Variants in RUVBL1 observed in about 807,000 individuals in gnomAD.
RUVBL1 encodes RuvB like AAA ATPase 1.
Under a neutral mutation model 52.4 loss-of-function variants are expected in RUVBL1, and 4 were observed. The ratio of observed to expected loss-of-function variants is 0.08; its 90% CI spans 0.04 to 0.17. RUVBL1 has a LOEUF of 0.17. Ranked by LOEUF, RUVBL1 falls within the 10% of genes least tolerant of loss-of-function variation. The pLI is 1.00. For synonymous variants in RUVBL1, 217 were observed against 214.4 expected, an observed-to-expected ratio of 1.01 and a Z score of -0.10; for missense variants, 298 against 572.8, an observed-to-expected ratio of 0.52 and a Z score of 4.90.
chr3:128,072,713 T>A (rs1233710306), intron 9 of RUVBL1, among the ~76,000 whole-genome samples: 1 of 152,130 alleles, frequency 6.6e-6, no homozygotes, highest in African/African-American at 2.4e-5. Flanking sequence ...CCAGTATAAA[T>A]ATGTTAGAAA....
At chr3:128,068,368 A>C (rs1576426757) in intron 9 of RUVBL1, among the ~76,000 whole-genome samples, 1 of 152,106 alleles carries the variant, frequency 6.6e-6, no homozygotes, top group Non-Finnish European at 1.5e-5. Context: ...TGGCAGCGGG[A>C]CCCTCACCCT....
chr3:128,074,565 G>A (rs9819833), intron 9 of RUVBL1, among the ~76,000 whole-genome samples: 35,109 of 151,942 alleles, frequency 0.23, 4,121 homozygotes, highest in South Asian at 0.27. Flanking sequence ...ATAAGCAGCC[G>A]GGCACAGTGG....
chr3:128,114,731 C>T (rs1205013692), intron 2 of RUVBL1, among the ~76,000 whole-genome samples: 1 of 152,122 alleles, frequency 6.6e-6, no homozygotes, highest in Admixed American at 6.5e-5. Context: ...TGGTATTCTT[C>T]TAAGAGCAAA....
At chr3:128,086,454 G>A (rs570228188) in intron 9 of RUVBL1, among the ~76,000 whole-genome samples, 5 of 152,220 alleles carry the variant, frequency 3.3e-5, no homozygotes, top group East Asian at 3.8e-4. Flanking sequence ...CAGGCAAAGC[G>A]CATCGAGACG....
rs1942495667 is a variant in RUVBL1, at chr3:128,082,215, A to T, written c.1211+268T>A. On this transcript the variant is annotated intron_variant, in intron 10 of 10. Transcript: ENST00000322623. The surrounding 1 kb of genome is among the most constrained non-coding windows in gnomAD (Gnocchi z 4.7). ...AGTTCTGTGCATCTTCTCTGCCACA[A>T]GAAGGCCCAGGGTCAAAGCACTCTC... is the stretch of plus-strand genomic sequence containing the variant. 4.7e-6 allele frequency: 2 copies of T among 422,362 alleles called. No individual in the cohort carries two copies. The highest frequency in any genetic ancestry group is 8.6e-6 in the Non-Finnish European group (2 of 233,158). The allele number at this position is 422,362 out of a possible 1,614,324, so 26.2% of individuals were successfully genotyped here. A position where few individuals can be genotyped will look rare whatever the true frequency, so the allele number is the denominator to read the frequency against.
In RUVBL1 at chr3:128,097,386, C is replaced by T; in HGVS notation, c.930G>A (p.Glu310=). 3 of 1,614,194 alleles carry T rather than the reference C, an allele frequency of 1.9e-6. No homozygotes were observed. The highest frequency in any genetic ancestry group is 2.5e-6 in the Non-Finnish European group (3 of 1,180,036). The stretch of plus-strand genomic sequence containing the variant: ...GGGCGCGGTGCAGGTAGGTGAAGCA[C>T]TCAATGTCCAGCATGTGGACCTCAT... ...FVDEVHMLDI[E]CFTYLHRALE... Residue 310 remains glutamate, a synonymous_variant, in exon 8 of 11, where the codon GAG becomes GAA. Coordinates refer to ENST00000322623, the MANE Select transcript of RUVBL1 (RefSeq NM_003707.3).
At chr3:128,136,599 C>T (rs1265161915) in intron 1 of RUVBL1, among the ~76,000 whole-genome samples, 4 of 134,374 alleles carry the variant, frequency 3.0e-5, no homozygotes, top group Non-Finnish European at 6.1e-5. Context: ...GTACTCCAGC[C>T]TGGGTGACAG....
At chr3:128,138,870 A>G (rs2107733221) in intron 1 of RUVBL1, among the ~76,000 whole-genome samples, 1 of 152,266 alleles carries the variant, frequency 6.6e-6, no homozygotes, top group Middle Eastern at 3.4e-3. Flanking sequence ...ACATAGTCTA[A>G]TGGAATAGAA....
In RUVBL1 at chr3:128,145,310, C is replaced by A. The variant is rs148288481; in HGVS notation, c.-40+7893G>T. ...AAGCAGTTTTGTAATGTGCCCAAGG[C>A]TCCACAATTTCCAGCTGGTGGGAGC... On this transcript the variant is annotated intron_variant, in intron 1 of 9. Transcript: ENST00000464873. 1.3e-4 allele frequency among the ~76,000 whole-genome samples: 20 copies of A among 152,310 alleles called. No individual in the cohort carries two copies. The East Asian group carries it at 3.9e-3, about 29-fold the overall frequency.
chr3:128,121,201 T>C (rs1271894588), intron 1 of RUVBL1, among the ~76,000 whole-genome samples: 2 of 151,486 alleles, frequency 1.3e-5, no homozygotes, highest in African/African-American at 4.8e-5. Context: ...GTTCAAGTGA[T>C]TCTCCTGCCT....
intron 9 of RUVBL1, among the ~76,000 whole-genome samples, chr3:128,066,426 T>A (rs1224197331): frequency 1.3e-5 from 2 of 151,818 alleles, no homozygotes; most frequent in Admixed American, 6.5e-5. Flanking sequence ...CTTGCTTCCA[T>A]GTTTTGTTTT....
intron 8 of RUVBL1, among the ~76,000 whole-genome samples, chr3:128,088,211 G>A (rs899756818): frequency 6.6e-5 from 10 of 151,146 alleles, no homozygotes; most frequent in African/African-American, 2.4e-4. Flanking sequence ...GCAGTGAGCT[G>A]AGAGTGTACC....
At chr3:128,080,771 G>C (rs563799796), downstream of RUVBL1, among the ~76,000 whole-genome samples, 3 of 152,342 alleles carry the variant, frequency 2.0e-5, no homozygotes, top group African/African-American at 7.2e-5. Flanking sequence ...TCCTGGATGG[G>C]ATCCTGGGAC....
intron 9 of RUVBL1, chr3:128,071,265 A>C (rs1306633639): frequency 6.6e-5 from 10 of 152,500 alleles, no homozygotes; most frequent in Admixed American, 6.5e-4. Flanking sequence ...TTACCACCCT[A>C]TCACACGTGG....
chr3:128,129,111 C>T (rs1419173510), intron 1 of RUVBL1, among the ~76,000 whole-genome samples: 1 of 152,170 alleles, frequency 6.6e-6, no homozygotes, highest in Non-Finnish European at 1.5e-5. Context: ...CAGCCCAGTG[C>T]AATGTAGCTT....
intron 1 of RUVBL1, chr3:128,153,198 C>G (rs1944280019): frequency 1.5e-6 from 2 of 1,291,522 alleles, no homozygotes; most frequent in Non-Finnish European, 2.0e-6. Flanking sequence ...CAAGTCTCCA[C>G]TCACCCAGAA....
At chr3:128,117,792 A>G (rs915326428) in intron 2 of RUVBL1, among the ~76,000 whole-genome samples, 1 of 152,134 alleles carries the variant, frequency 6.6e-6, no homozygotes, top group Non-Finnish European at 1.5e-5. Context: ...AATTAGCATT[A>G]AGCATGATAA....
In RUVBL1 at chr3:128,067,631, T is replaced by C. The variant is rs372935478; in HGVS notation, c.940-2411A>G. 6.3e-7 allele frequency: 1 copy of C among 1,589,232 alleles called. No homozygotes were observed. The highest frequency in any genetic ancestry group is 8.6e-7 in the Non-Finnish European group (1 of 1,162,950). On this transcript the variant is annotated intron_variant, in intron 9 of 9. Coordinates refer to the RUVBL1 transcript ENST00000464873. The surrounding 1 kb of genome is among the most constrained non-coding windows in gnomAD (Gnocchi z 4.1). ...CAAAGATGTAAGTAGAAGCAAAACTTTCTGGAAGGGTGATGAAAGTGTGAC... is the reference window on the plus strand; with the variant it reads ...CAAAGATGTAAGTAGAAGCAAAACTCTCTGGAAGGGTGATGAAAGTGTGAC...
chr3:128,079,885 T>A (rs1576437417), downstream of RUVBL1, among the ~76,000 whole-genome samples: 1 of 152,234 alleles, frequency 6.6e-6, no homozygotes, highest in Non-Finnish European at 1.5e-5. Context: ...ATGACCATCC[T>A]AGTCAGCCCT....
Sources: allele counts gnomAD v4.1 joint callset (sites outside exome capture counted in the v4.1 genomes callset), GRCh38; gene constraint gnomAD v4.1.1; non-coding constraint Gnocchi (gnomAD v3.1); transcripts MANE v1.5; gene names NCBI Gene and HGNC (gene_info 2026-07-23, HGNC 2026-07-21).